The following PLAT variants were observed in gnomAD, a reference collection of about 807,000 sequenced individuals.
PLAT encodes plasminogen activator, tissue type.
PLAT carries 48 observed loss-of-function variants against 74.9 expected under a neutral mutation model. The observed-to-expected ratio is 0.64, with a 90% CI of 0.51 to 0.82. The LOEUF (loss-of-function observed/expected upper bound fraction) is 0.82, where lower values mean the gene tolerates loss of function less well. PLAT is among the 40% of genes least tolerant of loss of function. The pLI is 0.00. For synonymous variants in PLAT, 307 were observed against 294.4 expected, an observed-to-expected ratio of 1.04 and a Z score of -0.44; for missense variants, 673 against 736.2, an observed-to-expected ratio of 0.91 and a Z score of 0.99.
At chr8:42,201,819 C>G (rs1389699752) in intron 1 of PLAT, among the ~76,000 whole-genome samples, 2 of 152,186 alleles carry the variant, frequency 1.3e-5, no homozygotes, top group African/African-American at 2.4e-5. Context: ...CCAAGCCACA[C>G]TATGAAAGTC....
At chr8:42,201,969 A>G (rs938771868) in intron 1 of PLAT, among the ~76,000 whole-genome samples, 9 of 152,226 alleles carry the variant, frequency 5.9e-5, no homozygotes, top group African/African-American at 2.2e-4. Context: ...TTTGGTGAAC[A>G]TGACAGAAAG....
intron 6 of PLAT, chr8:42,186,270 C>T (rs1805454437): frequency 6.6e-6 from 1 of 151,890 alleles, no homozygotes; most frequent in East Asian, 1.9e-4. Context: ...AGCTTATCTT[C>T]CCAGGTGCAG....
At chr8:42,180,149 G>A in intron 11 of PLAT, 83 bp from the exon 12 acceptor site, 1 of 1,587,574 alleles carries the variant, frequency 6.3e-7, no homozygotes, top group East Asian at 2.2e-5. Context: ...GCAGGGGCTG[G>A]AGGAGGAGGC....
intron 1 of PLAT, chr8:42,206,501 C>T (rs1338683859): frequency 6.6e-6 from 1 of 152,164 alleles, no homozygotes; most frequent in East Asian, 1.9e-4. Context: ...GACCCCTTCC[C>T]GGGACTGCAA....
rs552995623 is a variant in PLAT, at chr8:42,187,228, A to G, written c.539+170T>C. The G allele has an allele frequency of 1.4e-4, 71 of 521,640 alleles. No individual in the cohort carries two copies. The South Asian group carries it at 1.5e-3, about 11-fold the overall frequency. 32.3% of individuals were successfully genotyped at this position (521,640 alleles called of 1,614,324 possible). Reference sequence around the variant, plus strand: ...ATCTATCACCTATCATCTATCATCTATCAATCTATCATCTATCACCTATCA... The same window carrying G: ...ATCTATCACCTATCATCTATCATCTGTCAATCTATCATCTATCACCTATCA... On this transcript the variant is annotated intron_variant, in intron 6 of 13. Coordinates refer to ENST00000220809, the MANE Select transcript of PLAT (RefSeq NM_000930.5).
At chr8:42,197,987 A>G (rs1468066158) in intron 1 of PLAT, among the ~76,000 whole-genome samples, 3 of 152,294 alleles carry the variant, frequency 2.0e-5, no homozygotes, top group Non-Finnish European at 4.4e-5. Context: ...CACATGCAGT[A>G]TAAACTGGGA....
intron 2 of PLAT, among the ~76,000 whole-genome samples, chr8:42,192,263 C>G (rs1472971764): frequency 6.6e-6 from 1 of 152,142 alleles, no homozygotes; most frequent in Non-Finnish European, 1.5e-5. Context: ...CTCGGCCTCC[C>G]AAAGTGCTGA....
At chr8:42,181,130 G>A (rs1056514402) in intron 9 of PLAT, among the ~76,000 whole-genome samples, 5 of 152,212 alleles carry the variant, frequency 3.3e-5, no homozygotes, top group Non-Finnish European at 2.9e-5. Flanking sequence ...TCAGCTCTGA[G>A]GAGCTTAGGG....
chr8:42,193,171 C>T lies in PLAT; in HGVS notation c.15G>A (p.Lys5=), dbSNP rs372974676. 1.2e-6 allele frequency: 2 copies of T among 1,613,776 alleles called. No individual in the cohort carries two copies. Among genetic ancestry groups the T allele is most frequent in the African/African-American group, 2.7e-5 (2 of 74,920 alleles). The change falls in exon 2 of 14, where the codon AAG becomes AAA. Residue 5 remains lysine, a synonymous_variant. Coordinates refer to ENST00000220809, the MANE Select transcript of PLAT (RefSeq NM_000930.5). MDAM[K]RGLCCVLLLC... is the part of the protein sequence containing the mutation. ...GCAGCAGCACACAGCAGAGCCCTCT[C>T]TTCATTGCATCCATGATTGCTTCAC...
chr8:42,199,958 A>G (rs1256425335), intron 1 of PLAT, among the ~76,000 whole-genome samples: 1 of 152,200 alleles, frequency 6.6e-6, no homozygotes, highest in Admixed American at 6.5e-5. Context: ...TGATTTGACA[A>G]TTCTCCAGCC....
chr8:42,189,653 A>C (rs1461170853), intron 3 of PLAT, among the ~76,000 whole-genome samples: 1 of 150,334 alleles, frequency 6.7e-6, no homozygotes, highest in Non-Finnish European at 1.5e-5. Flanking sequence ...GGCTGGAGTG[A>C]AGTGGCACAA....
intron 1 of PLAT, among the ~76,000 whole-genome samples, chr8:42,199,481 C>T (rs755976208): frequency 6.6e-6 from 1 of 152,302 alleles, no homozygotes; most frequent in African/African-American, 2.4e-5. Flanking sequence ...CCCTGCCCCC[C>T]ACCCATCAGA....
chr8:42,185,271 G>T (rs181177090), intron 6 of PLAT, 99 bp from the exon 7 acceptor site: 5 of 641,048 alleles, frequency 7.8e-6, no homozygotes, highest in African/African-American at 1.9e-5. Flanking sequence ...GGAATGGGGG[G>T]TGCTTTTTTT....
At chr8:42,185,335 C>T in intron 6 of PLAT, 163 bp from the exon 7 acceptor site, 1 of 445,208 alleles carries the variant, frequency 2.2e-6, no homozygotes, top group Non-Finnish European at 4.0e-6. Flanking sequence ...CGCATCTCCT[C>T]TCACTGCAAC....
chr8:42,187,915 A>G lies in PLAT; in HGVS notation c.355T>C (p.Cys119Arg). The G allele has an allele frequency of 6.2e-7, 1 of 1,601,904 alleles. No individual in the cohort carries two copies. The highest frequency in any genetic ancestry group is 1.1e-5 in the South Asian group (1 of 90,786). The change falls in exon 5 of 14, where the codon TGT becomes CGT. Residue 119 changes from cysteine (C) to arginine (R), a missense_variant. Transcript: ENST00000220809. ...GCTCTCACCTACTCACCTATTTCACAGCACTTCCCAGCAAATCCTTCGGGG... is the reference window on the plus strand; with the variant it reads ...GCTCTCACCTACTCACCTATTTCACGGCACTTCCCAGCAAATCCTTCGGGG... Reference protein sequence around the residue: ...QCPEGFAGKCCEIDTRATCYE... With the variant: ...QCPEGFAGKCREIDTRATCYE...
In PLAT at chr8:42,178,908, C is replaced by T. The variant is rs368496765; in HGVS notation, c.1519G>A (p.Asp507Asn). The stretch of plus-strand genomic sequence containing the variant: ...CCACTCCTGGTTACCTGGCAGGCGT[C>T]GTGCAAGTTTGCCTGGGGCCCGCCG... ...RSGGPQANLHDACQGDSGGPL... is the reference protein window; with the variant it reads ...RSGGPQANLHNACQGDSGGPL... Residue 507 changes from aspartate (D) to asparagine (N), a missense_variant, in exon 13 of 14, where the codon GAC becomes AAC. Physicochemically the swap from Asp to Asn is conservative, Grantham distance 23. Coordinates refer to ENST00000220809, the MANE Select transcript of PLAT (RefSeq NM_000930.5). 23 of 1,613,142 alleles carry T rather than the reference C, an allele frequency of 1.4e-5. No homozygotes were observed. The highest frequency in any genetic ancestry group is 1.7e-5 in the Non-Finnish European group (20 of 1,179,950).
intron 1 of PLAT, chr8:42,193,519 A>C: frequency 3.9e-6 from 1 of 255,020 alleles, no homozygotes; most frequent in East Asian, 8.3e-5. Context: ...ATCACCCCTA[A>C]CTGAAACTCT....
At chr8:42,181,687 C>G (rs1292362968) in intron 9 of PLAT, among the ~76,000 whole-genome samples, 1 of 152,188 alleles carries the variant, frequency 6.6e-6, no homozygotes, top group Non-Finnish European at 1.5e-5. Context: ...CGGGTAGAGC[C>G]TACTGACTTC....
chr8:42,191,089 C>T (rs563326727), intron 3 of PLAT, among the ~76,000 whole-genome samples: 1 of 151,756 alleles, frequency 6.6e-6, no homozygotes, highest in East Asian at 1.9e-4. Context: ...GGGCCAGTGG[C>T]CGCCCCCCCC....
Sources: allele counts gnomAD v4.1 joint callset (sites outside exome capture counted in the v4.1 genomes callset), GRCh38; gene constraint gnomAD v4.1.1; transcripts MANE v1.5; gene names NCBI Gene and HGNC (gene_info 2026-07-23, HGNC 2026-07-21).